Variants in BLTP3B observed in about 807,000 individuals in gnomAD.
BLTP3B encodes the protein UHRF1 (ICBP90) binding protein 1-like.
At chr12:100,102,700 CTTTTTTT>C in the BLTP3B span, 6 of 704,494 alleles carry the variant, frequency 8.5e-6, no homozygotes, top group South Asian at 2.1e-5. Flanking sequence ...GAGGTTAAGG[CTTTTTTT>C]TTTTTTTTTT....
the BLTP3B span, among the ~76,000 whole-genome samples, chr12:100,136,407 G>A: frequency 2.0e-5 from 3 of 152,022 alleles, no homozygotes; most frequent in Non-Finnish European, 4.4e-5. Flanking sequence ...GTTACAGTTA[G>A]TGATCCTACT....
chr12:100,041,587 C>T, the BLTP3B span, among the ~76,000 whole-genome samples: 1 of 151,964 alleles, frequency 6.6e-6, no homozygotes, highest in Non-Finnish European at 1.5e-5. Flanking sequence ...CAGGTGGACA[C>T]TACCACACCC....
At chr12:100,100,049 T>C in the BLTP3B span, among the ~76,000 whole-genome samples, 2 of 151,388 alleles carry the variant, frequency 1.3e-5, no homozygotes, top group Non-Finnish European at 2.9e-5. Flanking sequence ...TCACCTATAA[T>C]CCTAGCACTG....
chr12:100,098,844 G>C, the BLTP3B span, among the ~76,000 whole-genome samples: 5 of 151,994 alleles, frequency 3.3e-5, no homozygotes, highest in Non-Finnish European at 5.9e-5. Flanking sequence ...AGGAGGTGGA[G>C]GTTGCGGTTA....
At chr12:100,084,770 C>A in the BLTP3B span, 1 of 1,151,840 alleles carries the variant, frequency 8.7e-7, no homozygotes, top group Non-Finnish European at 1.2e-6. Context: ...ACTTTGATAT[C>A]TGAAAAATTT....
the BLTP3B span, chr12:100,058,951 C>G: frequency 6.2e-7 from 1 of 1,614,126 alleles, no homozygotes; most frequent in South Asian, 1.1e-5. Context: ...GGCTCAGACT[C>G]TGTACTATAA....
chr12:100,083,456 G>A, the BLTP3B span, among the ~76,000 whole-genome samples: 2 of 152,226 alleles, frequency 1.3e-5, no homozygotes, highest in Non-Finnish European at 2.9e-5. Flanking sequence ...GGCAGACAAT[G>A]GGTGATTAGT....
the BLTP3B span, chr12:100,070,309 G>A: frequency 6.8e-4 from 666 of 980,036 alleles, 3 homozygotes; most frequent in African/African-American, 9.9e-3. Flanking sequence ...TTTTTGAGAC[G>A]GAGTTTCGCT....
At chr12:100,052,426 G>A in the BLTP3B span, among the ~76,000 whole-genome samples, 1 of 151,702 alleles carries the variant, frequency 6.6e-6, no homozygotes, top group Non-Finnish European at 1.5e-5. Context: ...AACACTGAGT[G>A]GATAAAATAA....
At chr12:100,096,087 T>C in the BLTP3B span, among the ~76,000 whole-genome samples, 1 of 152,048 alleles carries the variant, frequency 6.6e-6, no homozygotes, top group Non-Finnish European at 1.5e-5. Flanking sequence ...ACCCTGTCGC[T>C]ACTAAAAATA....
chr12:100,050,219 C>G, the BLTP3B span: 2 of 1,604,364 alleles, frequency 1.2e-6, no homozygotes, highest in Non-Finnish European at 1.7e-6. Context: ...CCTAATTGGT[C>G]TGGTGTCACC....
At chr12:100,048,265 G>A in the BLTP3B span, 1 of 1,469,840 alleles carries the variant, frequency 6.8e-7, no homozygotes, top group Non-Finnish European at 9.1e-7. Flanking sequence ...GTGCCATGTA[G>A]TACATTAAAA....
At chr12:100,038,618 G>A in the BLTP3B span, among the ~76,000 whole-genome samples, 3 of 152,162 alleles carry the variant, frequency 2.0e-5, no homozygotes, top group East Asian at 1.9e-4. Context: ...TTACAGGCAT[G>A]AGCCACAGCG....
chr12:100,106,359 T>C, the BLTP3B span, among the ~76,000 whole-genome samples: 1 of 151,658 alleles, frequency 6.6e-6, no homozygotes, highest in South Asian at 2.1e-4. Flanking sequence ...TCAATCTAAG[T>C]GCCCATCAAC....
chr12:100,089,961 T>C, the BLTP3B span, among the ~76,000 whole-genome samples: 9,567 of 152,262 alleles, frequency 0.063, 412 homozygotes, highest in Middle Eastern at 0.11. Context: ...CAGGGGTTTC[T>C]GCTTTTGCAG....
At chr12:100,095,727 A>G in the BLTP3B span, 1 of 1,613,670 alleles carries the variant, frequency 6.2e-7, no homozygotes, top group Non-Finnish European at 8.5e-7. Context: ...TTGCTTCACT[A>G]AGAGACTTTG....
At chr12:100,039,519 C>A in the BLTP3B span, 1 of 1,349,526 alleles carries the variant, frequency 7.4e-7, no homozygotes, top group Non-Finnish European at 1.0e-6. Context: ...AATAAGTAAA[C>A]AATGTTTTAA....
chr12:100,114,075 T>C, the BLTP3B span, among the ~76,000 whole-genome samples: 2 of 152,236 alleles, frequency 1.3e-5, no homozygotes, highest in Admixed American at 1.3e-4. Flanking sequence ...ATTTCAGCAC[T>C]GTAATTCAAT....
the BLTP3B span, among the ~76,000 whole-genome samples, chr12:100,069,457 C>CGT: frequency 1.3e-5 from 2 of 150,880 alleles, no homozygotes; most frequent in Non-Finnish European, 3.0e-5. Context: ...CATATATGTG[C>CGT]GTGTGTATAT....
Sources: gnomAD v4.1 joint callset for allele counts (sites outside exome capture counted in the v4.1 genomes callset) on GRCh38, gnomAD v4.1.1 for gene constraint, MANE v1.5 for transcripts, NCBI Gene and HGNC (gene_info 2026-07-23, HGNC 2026-07-21) for gene names.